Variants in RFX3 observed in about 807,000 individuals in gnomAD.
RFX3 encodes regulatory factor X3, also known as transcription factor RFX3.
In RFX3, 14 loss-of-function variants were observed where a neutral mutation model predicts 98.6. The observed-to-expected ratio is 0.14, with a 90% CI of 0.09 to 0.22. The LOEUF (loss-of-function observed/expected upper bound fraction) is 0.22, where lower values mean the gene tolerates loss of function less well. RFX3 is among the 10% of genes least tolerant of loss of function. The pLI is 1.00. For synonymous variants in RFX3, 383 were observed against 328.4 expected, an observed-to-expected ratio of 1.17 and a Z score of -1.80; for missense variants, 639 against 926.9, an observed-to-expected ratio of 0.69 and a Z score of 4.03.
intron 1 of RFX3, among the ~76,000 whole-genome samples, chr9:3,463,963 A>C (rs935619721): frequency 5.9e-5 from 9 of 152,186 alleles, no homozygotes; most frequent in African/African-American, 2.2e-4. Context: ...AATAAAAATG[A>C]AAATAAAAAA....
At chr9:3,233,392 A>C (rs574042155) in intron 15 of RFX3, among the ~76,000 whole-genome samples, 30 of 152,326 alleles carry the variant, frequency 2.0e-4, no homozygotes, top group Middle Eastern at 3.4e-3. Flanking sequence ...CCACAGGTGC[A>C]TTAAAGAGAC....
At chr9:3,233,066 A>G (rs983520118) in intron 15 of RFX3, among the ~76,000 whole-genome samples, 2 of 152,244 alleles carry the variant, frequency 1.3e-5, no homozygotes, top group East Asian at 1.9e-4. Context: ...AATACTTCCT[A>G]TCCTATAGAC....
intron 1 of RFX3, among the ~76,000 whole-genome samples, chr9:3,485,093 C>G (rs1850145793): frequency 6.6e-6 from 1 of 151,962 alleles, no homozygotes; most frequent in Non-Finnish European, 1.5e-5. Context: ...GTCTGGGAAA[C>G]AGAGCAAGAG....
chr9:3,493,740 C>A (rs1373786030), intron 1 of RFX3, among the ~76,000 whole-genome samples: 1 of 146,432 alleles, frequency 6.8e-6, no homozygotes, highest in Non-Finnish European at 1.5e-5. Flanking sequence ...TACATACACA[C>A]ACACACTGGC....
chr9:3,329,429 C>CAAAA (rs1056225979), intron 4 of RFX3, among the ~76,000 whole-genome samples: 1 of 108,282 alleles, frequency 9.2e-6, no homozygotes, highest in African/African-American at 4.3e-5. Flanking sequence ...AAAAAAAAAA[C>CAAAA]AAAAAACCAC....
At chr9:3,420,950 A>T in intron 1 of RFX3, 1 of 981,374 alleles carries the variant, frequency 1.0e-6, no homozygotes, top group Non-Finnish European at 1.2e-6. Context: ...TTCTGTGGCT[A>T]CAACAGAAAC....
chr9:3,402,538 T>C (rs567708824), intron 1 of RFX3, among the ~76,000 whole-genome samples: 3 of 152,024 alleles, frequency 2.0e-5, no homozygotes, highest in Non-Finnish European at 2.9e-5. Flanking sequence ...AGAAACCTGA[T>C]TCAACATAAG....
intron 1 of RFX3, among the ~76,000 whole-genome samples, chr9:3,444,176 G>A (rs1371083932): frequency 6.6e-6 from 1 of 152,034 alleles, no homozygotes; most frequent in African/African-American, 2.4e-5. Flanking sequence ...TCTACCAACA[G>A]GTGAATATAT....
chr9:3,336,005 T>C (rs1406462794), intron 3 of RFX3, among the ~76,000 whole-genome samples: 1 of 152,218 alleles, frequency 6.6e-6, no homozygotes, highest in Non-Finnish European at 1.5e-5. Flanking sequence ...CAATTCCAGA[T>C]ACTCAGTATC....
intron 2 of RFX3, among the ~76,000 whole-genome samples, chr9:3,374,786 T>C (rs80157781): frequency 0.012 from 1,813 of 152,090 alleles, 26 homozygotes; most frequent in African/African-American, 0.036. Flanking sequence ...AATGTGAATG[T>C]AATTAACACA....
At chr9:3,291,396 AAAAC>A (rs1264995888) in intron 6 of RFX3, among the ~76,000 whole-genome samples, 2 of 3,706 alleles carry the variant, frequency 5.4e-4, no homozygotes, top group Non-Finnish European at 1.3e-3. Flanking sequence ...AAACAAAAAC[AAAAC>A]AAAACAAAAC....
intron 7 of RFX3, among the ~76,000 whole-genome samples, chr9:3,283,450 CT>C (rs113328834): frequency 0.095 from 14,416 of 151,726 alleles, 2,275 homozygotes; most frequent in African/African-American, 0.33. Flanking sequence ...GTCATACACT[CT>C]GCAGAAGTGC....
Position 3,228,828 on chromosome 9 carries a change from C to T in RFX3, c.2011+19G>A, listed in dbSNP as rs974043420. ...AATAAATAAAAGTTCTTAAAATGTA[C>T]ATTATTTTCGATTCTTACCTTTATC... On this transcript the variant is annotated intron_variant, in intron 16 of 16. Coordinates refer to ENST00000617270, the MANE Select transcript of RFX3 (RefSeq NM_001282116.2). 1.3e-6 allele frequency: 2 copies of T among 1,596,336 alleles called. No homozygotes were observed. Among genetic ancestry groups the T allele is most frequent in the Middle Eastern group, 1.7e-4 (1 of 5,954 alleles).
At chr9:3,359,284 G>A (rs1029600424) in intron 2 of RFX3, among the ~76,000 whole-genome samples, 1 of 152,130 alleles carries the variant, frequency 6.6e-6, no homozygotes, top group African/African-American at 2.4e-5. Context: ...CCAGTGAGAA[G>A]TTAAGAAGTT....
intron 11 of RFX3, among the ~76,000 whole-genome samples, chr9:3,267,678 G>C (rs1823823331): frequency 6.6e-6 from 1 of 151,698 alleles, no homozygotes; most frequent in Non-Finnish European, 1.5e-5. Context: ...AATTTCTTGA[G>C]AACTAATCTT....
intron 1 of RFX3, among the ~76,000 whole-genome samples, chr9:3,475,457 CAT>C (rs1244342061): frequency 2.6e-5 from 4 of 152,190 alleles, no homozygotes; most frequent in Admixed American, 6.5e-5. Flanking sequence ...GACAAGGTCA[CAT>C]GAGTCACATG....
intron 3 of RFX3, among the ~76,000 whole-genome samples, chr9:3,336,422 T>A (rs780673949): frequency 6.6e-6 from 1 of 151,592 alleles, no homozygotes; most frequent in African/African-American, 2.4e-5. Context: ...AAATACAATA[T>A]AAAAGTAGAA....
chr9:3,513,314 C>T (rs1000568908), intron 1 of RFX3, among the ~76,000 whole-genome samples: 1 of 152,088 alleles, frequency 6.6e-6, no homozygotes, highest in Non-Finnish European at 1.5e-5. Flanking sequence ...ATATGGTGAA[C>T]TGGGATTCAT....
At chr9:3,485,412 A>T (rs565111800) in intron 1 of RFX3, among the ~76,000 whole-genome samples, 2 of 152,328 alleles carry the variant, frequency 1.3e-5, no homozygotes, top group South Asian at 4.1e-4. Flanking sequence ...GTTACATAAG[A>T]ATATTGAATT....
Sources: allele counts gnomAD v4.1 joint callset (sites outside exome capture counted in the v4.1 genomes callset), GRCh38; gene constraint gnomAD v4.1.1; transcripts MANE v1.5; gene names NCBI Gene and HGNC (gene_info 2026-07-23, HGNC 2026-07-21).